CATSPERT: variants seen among roughly 807,000 people sequenced by gnomAD.
The protein encoded by CATSPERT is catsper channel auxiliary subunit tau, also known as cation channel sperm-associated targeting subunit tau.
At chr2:201,551,171 T>C in the CATSPERT span, 1 of 152,230 alleles carries the variant, frequency 6.6e-6, no homozygotes, top group African/African-American at 2.4e-5. Context: ...ATAAGCTGCA[T>C]AGCCTAGAAA....
At chr2:201,557,701 A>G in the CATSPERT span, 3 of 152,180 alleles carry the variant, frequency 2.0e-5, no homozygotes, top group African/African-American at 7.2e-5. Context: ...AACACTAACA[A>G]TATGCTTAGG....
At chr2:201,585,882 C>T in the CATSPERT span, among the ~76,000 whole-genome samples, 2 of 152,128 alleles carry the variant, frequency 1.3e-5, no homozygotes, top group Non-Finnish European at 2.9e-5. Flanking sequence ...GAGCTGCATG[C>T]GTCCACTTAC....
At chr2:201,584,813 A>T in the CATSPERT span, among the ~76,000 whole-genome samples, 1 of 152,038 alleles carries the variant, frequency 6.6e-6, no homozygotes, top group Non-Finnish European at 1.5e-5. Context: ...AGAAAGAAAT[A>T]TTAGCTAATA....
chr2:201,491,851 G>A, the CATSPERT span: 7 of 1,536,910 alleles, frequency 4.6e-6, no homozygotes, highest in Non-Finnish European at 6.1e-6. Context: ...TTGAATCTCT[G>A]TTTTATGAAC....
At chr2:201,506,490 G>A in the CATSPERT span, among the ~76,000 whole-genome samples, 1 of 152,152 alleles carries the variant, frequency 6.6e-6, no homozygotes, top group Non-Finnish European at 1.5e-5. Flanking sequence ...CAAATTATAA[G>A]AGACAAATTG....
At chr2:201,613,235 G>A in the CATSPERT span, among the ~76,000 whole-genome samples, 1 of 152,250 alleles carries the variant, frequency 6.6e-6, no homozygotes, top group Non-Finnish European at 1.5e-5. Flanking sequence ...TGAGATCTGA[G>A]AATGGACAGA....
At chr2:201,490,759 T>G in the CATSPERT span, among the ~76,000 whole-genome samples, 3 of 152,204 alleles carry the variant, frequency 2.0e-5, no homozygotes, top group African/African-American at 7.2e-5. Flanking sequence ...GGTCTCACTC[T>G]GTCACCCAGG....
the CATSPERT span, chr2:201,565,657 A>G: frequency 7.1e-7 from 1 of 1,399,660 alleles, no homozygotes. Context: ...GGAGAAATTA[A>G]TATATTATAC....
At chr2:201,592,787 C>G in the CATSPERT span, among the ~76,000 whole-genome samples, 1 of 152,150 alleles carries the variant, frequency 6.6e-6, no homozygotes, top group Non-Finnish European at 1.5e-5. Context: ...TTGTAGTATT[C>G]TCTGATGGTA....
chr2:201,537,236 C>T, the CATSPERT span, among the ~76,000 whole-genome samples: 1 of 151,826 alleles, frequency 6.6e-6, no homozygotes, highest in Non-Finnish European at 1.5e-5. Flanking sequence ...CCCCTATCTT[C>T]ATATTTTTAA....
chr2:201,509,889 T>A, the CATSPERT span, among the ~76,000 whole-genome samples: 1 of 150,930 alleles, frequency 6.6e-6, no homozygotes, highest in African/African-American at 2.5e-5. Context: ...ACTCCCCAAA[T>A]GGGGTAACCT....
the CATSPERT span, among the ~76,000 whole-genome samples, chr2:201,523,144 G>T: frequency 1.1e-4 from 16 of 152,290 alleles, no homozygotes; most frequent in African/African-American, 3.6e-4. Flanking sequence ...GTGCATGCAC[G>T]TGGACCTTGC....
At chr2:201,562,377 T>A in the CATSPERT span, among the ~76,000 whole-genome samples, 1 of 151,394 alleles carries the variant, frequency 6.6e-6, no homozygotes, top group African/African-American at 2.4e-5. Flanking sequence ...TTAGTAGAGA[T>A]GGGGTTTCAC....
the CATSPERT span, chr2:201,491,258 GTATCC>G: frequency 6.5e-7 from 1 of 1,537,920 alleles, no homozygotes; most frequent in African/African-American, 1.4e-5. Flanking sequence ...GTGGTTGGTA[GTATCC>G]TGACTATCTT....
At chr2:201,565,887 TA>T in the CATSPERT span, 2 of 1,566,730 alleles carry the variant, frequency 1.3e-6, no homozygotes, top group South Asian at 2.4e-5. Flanking sequence ...AAAATAATAA[TA>T]AAGTGAAATA....
the CATSPERT span, chr2:201,557,715 T>C: frequency 1.3e-5 from 2 of 152,226 alleles, no homozygotes; most frequent in Non-Finnish European, 2.9e-5. Context: ...GCTTAGGTGC[T>C]GTTAACACTT....
the CATSPERT span, among the ~76,000 whole-genome samples, chr2:201,505,031 A>G: frequency 1.3e-5 from 2 of 152,162 alleles, no homozygotes; most frequent in East Asian, 3.8e-4. Flanking sequence ...CTGCTAGGGT[A>G]GGGTTACTAG....
At chr2:201,581,433 C>CAT in the CATSPERT span, among the ~76,000 whole-genome samples, 5,637 of 77,010 alleles carry the variant, frequency 0.073, 355 homozygotes, top group Middle Eastern at 0.14. Context: ...TACTTAATTT[C>CAT]ATATATATAT....
chr2:201,540,364 G>A, the CATSPERT span, among the ~76,000 whole-genome samples: 6 of 152,222 alleles, frequency 3.9e-5, no homozygotes. Context: ...GACTTTCATA[G>A]CTAGAGAGGA....
Sources: allele counts gnomAD v4.1 joint callset (sites outside exome capture counted in the v4.1 genomes callset), GRCh38; gene constraint gnomAD v4.1.1; transcripts MANE v1.5; gene names NCBI Gene and HGNC (gene_info 2026-07-23, HGNC 2026-07-21).